Variants in TSC2 observed in about 807,000 individuals in gnomAD.
The protein encoded by TSC2 is tuberin.
TSC2 carries 29 observed loss-of-function variants against 202.2 expected under a neutral mutation model. The ratio of observed to expected loss-of-function variants is 0.14; its 90% CI spans 0.11 to 0.20. TSC2 has a LOEUF of 0.20. Among genes scored for constraint, TSC2 ranks in the 10% least tolerant of loss-of-function variants. The probability of loss-of-function intolerance (pLI) is 1.00; values close to 1 mark genes in which losing one functional copy is unlikely to be tolerated. For missense variants in TSC2, 2,429 were observed against 2,420.0 expected (o/e 1.00, Z -0.08); for synonymous variants, 1,349 against 1,044.0 (o/e 1.29, Z -5.63).
chr16:2,053,245 G>A (rs2085344432), intron 3 of TSC2, 97 bp from the exon 4 acceptor site: 1 of 1,245,752 alleles, frequency 8.0e-7, no homozygotes, highest in East Asian at 2.5e-5. Context: ...AGCCCCCGTT[G>A]TTCCTCCCTG....
chr16:2,065,554 G>C lies in TSC2; in HGVS notation c.1635G>C (p.Leu545=), dbSNP rs755923499. ...MARSLSPPPE[L]EERDVAAYSA... ...GCTCCCTCTCCCCACCCCCGGAGCT[G>C]GAAGAAAGGGATGTGGCCGCATACT... The change falls in exon 16 of 42, where the codon CTG becomes CTC. Residue 545 remains leucine, a synonymous_variant. Coordinates refer to ENST00000219476, the MANE Select transcript of TSC2 (RefSeq NM_000548.5). 5.0e-6 allele frequency: 8 copies of C among 1,613,800 alleles called. 1 individual carries two copies. In the South Asian group the frequency reaches 8.8e-5, roughly 18 times the overall value.
chr16:2,069,377 C>T (rs749608167), intron 16 of TSC2, among the ~76,000 whole-genome samples: 15 of 152,072 alleles, frequency 9.9e-5, no homozygotes, highest in South Asian at 2.1e-4. Context: ...AGTGCAGTGG[C>T]GCAATCTTGG....
intron 30 of TSC2, 138 bp from the exon 31 acceptor site, chr16:2,081,457 C>T (rs2090132994): frequency 8.7e-7 from 1 of 1,155,138 alleles, no homozygotes; most frequent in Non-Finnish European, 1.3e-6. Flanking sequence ...GCAGCGCTGG[C>T]TCCGACATCG....
intron 15 of TSC2, 32 bp from the exon 16 acceptor site, chr16:2,065,487 C>T (rs781082592): frequency 4.5e-6 from 7 of 1,567,764 alleles, no homozygotes; most frequent in African/African-American, 1.4e-5. Flanking sequence ...GAACCATGAG[C>T]CTGTGTGTAA....
In TSC2 at chr16:2,056,590, C is replaced by A; in HGVS notation, c.649-54C>A. On this transcript the variant is annotated intron_variant, in intron 7 of 41. Coordinates refer to ENST00000219476, the MANE Select transcript of TSC2 (RefSeq NM_000548.5). ...TGGGAAGGAAGCCTGGGTGTCCTCT[C>A]CTGTGGGGAGGAGCTGGGGTAGGAC... is the stretch of plus-strand genomic sequence containing the variant. 3 of 1,599,476 alleles carry A rather than the reference C, an allele frequency of 1.9e-6. No homozygotes were observed. The South Asian group carries it at 3.3e-5, about 18-fold the overall frequency.
At chr16:2,062,666 C>T in intron 13 of TSC2, 66 bp downstream of exon 13, 1 of 1,510,326 alleles carries the variant, frequency 6.6e-7, no homozygotes. Context: ...TGGGGCCCAC[C>T]CGGGCTGGGT....
chr16:2,055,455 G>A lies in TSC2; in HGVS notation c.535G>A (p.Val179Met), dbSNP rs777105764. 2.5e-6 allele frequency: 4 copies of A among 1,614,130 alleles called. No individual in the cohort carries two copies. Among genetic ancestry groups the A allele is most frequent in the South Asian group, 1.1e-5 (1 of 91,094 alleles). Residue 179 changes from valine to methionine, a missense_variant, in exon 6 of 42, where the codon GTG becomes ATG. Coordinates refer to ENST00000219476, the MANE Select transcript of TSC2 (RefSeq NM_000548.5). ...TGGCTTGTCCTCGGAATTCCTTCTG[G>A]TGCTGGTGAACTTGGTCAAATTCAA... ...DVGLSSEFLLVLVNLVKFNSC... is the reference protein window; with the variant it reads ...DVGLSSEFLLMLVNLVKFNSC...
At chr16:2,063,190 C>G in intron 14 of TSC2, 137 bp downstream of exon 14, 1 of 1,102,096 alleles carries the variant, frequency 9.1e-7, no homozygotes, top group South Asian at 1.3e-5. Context: ...CAGCCCCCAG[C>G]GTGGTCTGTT....
chr16:2,077,071 C>T (rs969623248), intron 25 of TSC2, among the ~76,000 whole-genome samples: 1 of 152,268 alleles, frequency 6.6e-6, no homozygotes, highest in African/African-American at 2.4e-5. Context: ...GGGAATACGG[C>T]ATTTTCCAGC....
At chr16:2,055,952 C>T (rs2085756184) in intron 6 of TSC2, 1 of 529,664 alleles carries the variant, frequency 1.9e-6, no homozygotes, top group South Asian at 1.8e-5. Context: ...CATCTGATGT[C>T]TTGGTTATCT....
rs1336741146 is a variant in TSC2, at chr16:2,060,691, G to T, written c.997G>T (p.Val333Leu). 1 of 1,614,012 alleles carries T rather than the reference G, an allele frequency of 6.2e-7. No individual in the cohort carries two copies. The highest frequency in any genetic ancestry group is 1.3e-5 in the African/African-American group (1 of 74,926). The change falls in exon 11 of 42, where the codon GTG (valine) becomes TTG (leucine). Residue 333 changes from valine (V) to leucine (L), a missense_variant. By Grantham distance (32) the Val-to-Leu change is conservative. Coordinates refer to ENST00000219476, the MANE Select transcript of TSC2 (RefSeq NM_000548.5). The stretch of plus-strand genomic sequence containing the variant: ...CCAGGCCATGGCATGTCCGAACGAG[G>T]TGGTGTCCTATGAGATCGTCCTGTC... ...FYQAMACPNE[V>L]VSYEIVLSIT... is the part of the protein sequence containing the mutation.
At chr16:2,074,119 G>C in intron 21 of TSC2, 81 bp from the exon 22 acceptor site, 1 of 1,573,300 alleles carries the variant, frequency 6.4e-7, no homozygotes, top group Non-Finnish European at 8.7e-7. Context: ...TCTCCCGGTG[G>C]AGCACTCGAG....
chr16:2,056,298 C>T (rs1164940782), intron 7 of TSC2, 54 bp downstream of exon 7: 3 of 1,610,662 alleles, frequency 1.9e-6, no homozygotes, highest in Non-Finnish European at 2.5e-6. Flanking sequence ...TTCTGGGAGG[C>T]TGGGGCTTGG....
chr16:2,077,761 G>T (rs774555904), intron 26 of TSC2, 35 bp downstream of exon 26: 3 of 1,608,920 alleles, frequency 1.9e-6, no homozygotes, highest in Middle Eastern at 3.9e-4. Flanking sequence ...CACGGACCCT[G>T]GAGCTTGGCC....
At chr16:2,074,662 G>A (rs1347651653) in intron 22 of TSC2, 2 of 535,694 alleles carry the variant, frequency 3.7e-6, no homozygotes, top group South Asian at 2.0e-5. Flanking sequence ...CTGGTTTTGG[G>A]CCTCCTCTCT....
At position 2,089,290 on chromosome 16, in the gene TSC2, GACAC is replaced by G. The variant is rs367951136; in HGVS notation, c.*684_*687del. The G allele has an allele frequency of 2.2e-5, 5 of 222,690 alleles. No individual in the cohort carries two copies. Among genetic ancestry groups the G allele is most frequent in the Non-Finnish European group, 4.4e-5 (5 of 112,942 alleles). The allele number at this position is 222,690 out of a possible 1,614,324, so 13.8% of individuals were successfully genotyped here. A position where few individuals can be genotyped will look rare whatever the true frequency, so the allele number is the denominator to read the frequency against. The stretch of plus-strand genomic sequence containing the variant: ...AACACCATATAAATTACTGACACGA[GACAC>G]ACAGTGAGACGGTGCAGGGAGTACG... On this transcript the variant is annotated 3_prime_UTR_variant, in exon 42 of 42. Coordinates refer to ENST00000219476, the MANE Select transcript of TSC2 (RefSeq NM_000548.5).
At position 2,089,368 on chromosome 16, in the gene TSC2, G is replaced by A. The variant is rs1368587863; in HGVS notation, c.*758G>A. 2 of 390,932 alleles carry A rather than the reference G, an allele frequency of 5.1e-6. No individual in the cohort carries two copies. Among genetic ancestry groups the A allele is most frequent in the Non-Finnish European group, 9.4e-6 (2 of 212,634 alleles). 24.2% of individuals were successfully genotyped at this position (390,932 alleles called of 1,614,324 possible). On this transcript the variant is annotated 3_prime_UTR_variant, in exon 42 of 42. Coordinates refer to ENST00000219476, the MANE Select transcript of TSC2 (RefSeq NM_000548.5). ...TTAGGGGCAGGGTGGCGGCGGTGCA[G>A]GCTAACCCTCCCTGAAGCCAGCAGC...
In TSC2 at chr16:2,084,620, G is replaced by T. The variant is rs376086638; in HGVS notation, c.4398G>T (p.Ser1466=). 6 of 1,601,388 alleles carry T rather than the reference G, an allele frequency of 3.7e-6. No individual in the cohort carries two copies. In the African/African-American group the frequency reaches 8.0e-5, roughly 21 times the overall value. Residue 1466 remains serine, a synonymous_variant, in exon 34 of 42, where the codon TCG becomes TCT. Coordinates refer to ENST00000219476, the MANE Select transcript of TSC2 (RefSeq NM_000548.5). The part of the protein sequence containing the change: ...LRPRGYTISD[S]APSRRGKRVE... ...CCCGAGGTTACACCATCTCCGACTC[G>T]GCCCCATCACGCAGGGGCAAGAGAG... is the stretch of plus-strand genomic sequence containing the variant.
intron 12 of TSC2, 70 bp from the exon 13 acceptor site, chr16:2,062,426 AC>A: frequency 6.9e-7 from 1 of 1,449,476 alleles, no homozygotes; most frequent in Non-Finnish European, 9.5e-7. Context: ...CAGCCTCTCG[AC>A]CAGCAGCCCA....
Sources: gnomAD v4.1 joint callset for allele counts (sites outside exome capture counted in the v4.1 genomes callset) on GRCh38, gnomAD v4.1.1 for gene constraint, MANE v1.5 for transcripts, NCBI Gene and HGNC (gene_info 2026-07-23, HGNC 2026-07-21) for gene names.